RBM25: variants seen among roughly 807,000 people sequenced by gnomAD.
The protein encoded by RBM25 is RNA binding motif protein 25, also known as RNA-binding protein 25.
A neutral mutation model predicts 120.7 loss-of-function variants in RBM25; 19 were observed. That is an observed-to-expected ratio of 0.16 (90% CI 0.11 to 0.23). The LOEUF is 0.23. Ranked by LOEUF, RBM25 falls within the 10% of genes least tolerant of loss-of-function variation. RBM25 has a pLI of 1.00. For missense variants in RBM25, 605 were observed against 1,041.5 expected, an observed-to-expected ratio of 0.58 and a Z score of 5.77; for synonymous variants, 390 against 326.7, an observed-to-expected ratio of 1.19 and a Z score of -2.09.
intron 4 of RBM25, among the ~76,000 whole-genome samples, chr14:73,078,292 G>A (rs1895472804): frequency 1.3e-5 from 2 of 151,604 alleles, no homozygotes; most frequent in South Asian, 2.1e-4. Context: ...GACAGAGCGA[G>A]ACTCCATCTC....
chr14:73,061,305 C>T (rs1487319663), intron 1 of RBM25, among the ~76,000 whole-genome samples: 2 of 151,270 alleles, frequency 1.3e-5, no homozygotes, highest in African/African-American at 2.4e-5. Flanking sequence ...GTGATCCACC[C>T]GCCTTGGCCT....
At chr14:73,068,143 T>C in intron 1 of RBM25, 1 of 815,948 alleles carries the variant, frequency 1.2e-6, no homozygotes, top group South Asian at 1.4e-5. Context: ...TGGTCCTAGA[T>C]GGCTGCTTGG....
intron 15 of RBM25, 185 bp from the exon 16 acceptor site, chr14:73,111,343 A>C: frequency 2.4e-6 from 2 of 847,600 alleles, no homozygotes; most frequent in Non-Finnish European, 3.5e-6. Flanking sequence ...AGCTGCCTCG[A>C]GTTCTGAGAA....
intron 6 of RBM25, among the ~76,000 whole-genome samples, chr14:73,093,262 G>C (rs1324205123): frequency 6.6e-6 from 1 of 152,200 alleles, no homozygotes; most frequent in Admixed American, 6.5e-5. Flanking sequence ...TTTCTCAAAA[G>C]AAAGAACTCT....
intron 1 of RBM25, among the ~76,000 whole-genome samples, chr14:73,063,013 G>A (rs1424912270): frequency 1.3e-5 from 2 of 150,982 alleles, no homozygotes; most frequent in Non-Finnish European, 3.0e-5. Flanking sequence ...GTAGAGATGG[G>A]GTTTCACCAT....
At chr14:73,103,994 A>ACACACTCTCT (rs1339176135) in intron 10 of RBM25, among the ~76,000 whole-genome samples, 2 of 99,394 alleles carry the variant, frequency 2.0e-5, no homozygotes, top group Non-Finnish European at 3.9e-5. Context: ...ACACACACAC[A>ACACACTCTCT]CTCTCTCTCT....
At chr14:73,088,582 G>A (rs1212491188) in intron 6 of RBM25, 1 of 349,472 alleles carries the variant, frequency 2.9e-6, no homozygotes, top group African/African-American at 2.1e-5. Flanking sequence ...GCCTTAGGTT[G>A]GGGGCTTTAT....
chr14:73,074,193 A>G (rs1370561191), intron 2 of RBM25, among the ~76,000 whole-genome samples: 4 of 152,176 alleles, frequency 2.6e-5, no homozygotes, highest in African/African-American at 9.7e-5. Context: ...TTATAGGCTC[A>G]TAATGCAGTT....
At chr14:73,100,212 G>A (rs362420) in intron 9 of RBM25, 7,994 of 606,610 alleles carry the variant, frequency 0.013, 477 homozygotes, top group African/African-American at 0.13. Context: ...TAGGTCAGTG[G>A]TTACCAGACT....
chr14:73,112,319 G>T, intron 17 of RBM25, 69 bp downstream of exon 17: 1 of 1,380,690 alleles, frequency 7.2e-7, no homozygotes, highest in Non-Finnish European at 9.5e-7. Flanking sequence ...CTTCTTAAAA[G>T]AGCAGAAATT....
intron 1 of RBM25, among the ~76,000 whole-genome samples, chr14:73,059,849 T>TA (rs1289975245): frequency 6.6e-6 from 1 of 152,188 alleles, no homozygotes. Flanking sequence ...TGTTCCTCTG[T>TA]AAAATGAATT....
At position 73,087,955 on chromosome 14, in the gene RBM25, T is replaced by C. The variant is rs1466004123; in HGVS notation, c.383-46T>C. 8 of 1,572,344 alleles carry C rather than the reference T, an allele frequency of 5.1e-6. No individual in the cohort carries two copies. The East Asian group carries it at 1.8e-4, about 35-fold the overall frequency. On this transcript the variant is annotated intron_variant, in intron 5 of 18. Coordinates refer to ENST00000261973, the MANE Select transcript of RBM25 (RefSeq NM_021239.3). ...CTACTTTTCCATAATTTTTTTTCTT[T>C]TGTAAGTGAATTGGTATTTCACTAA...
chr14:73,107,690 G>C (rs961930175), intron 12 of RBM25, 136 bp from the exon 13 acceptor site: 2 of 672,226 alleles, frequency 3.0e-6, no homozygotes, highest in African/African-American at 3.7e-5. Context: ...AAAATTATGT[G>C]AAGAGAAATT....
chr14:73,119,676 T>C (rs1896506406), intron 18 of RBM25, 37 bp from the exon 19 acceptor site: 4 of 1,606,964 alleles, frequency 2.5e-6, no homozygotes, highest in Non-Finnish European at 3.4e-6. Context: ...TGATGATTGC[T>C]TCTCTTACAT....
In RBM25 at chr14:73,088,160, G is replaced by A. The variant is rs763029142; in HGVS notation, c.542G>A (p.Gly181Glu). 1.4e-5 allele frequency: 22 copies of A among 1,613,826 alleles called. No individual in the cohort carries two copies. Among genetic ancestry groups the A allele is most frequent in the Non-Finnish European group, 1.9e-5 (22 of 1,179,962 alleles). ...EWKAKKKASN[G>E]NARPETVTND... is the part of the protein sequence containing the mutation. Reference sequence around the variant, plus strand: ...AAAGCAAAGAAGAAAGCTTCTAATGGGGTATGTTTTCTGTCGTGTTATCTT... The same window carrying A: ...AAAGCAAAGAAGAAAGCTTCTAATGAGGTATGTTTTCTGTCGTGTTATCTT... Residue 181 changes from glycine to glutamate, a missense_variant and splice_region_variant, in exon 6 of 19, where the codon GGG becomes GAG. By Grantham distance (98) the Gly-to-Glu change is moderately conservative. This residue lies in a region of RBM25 where 465 missense variants were observed against 741.6 expected (regional missense o/e 0.63). Transcript: ENST00000261973.
At chr14:73,099,517 T>C in intron 8 of RBM25, 84 bp downstream of exon 8, 1 of 1,584,316 alleles carries the variant, frequency 6.3e-7, no homozygotes, top group Non-Finnish European at 8.6e-7. Flanking sequence ...GATTTTTCAC[T>C]ATTTAACTTT....
intron 6 of RBM25, among the ~76,000 whole-genome samples, chr14:73,088,713 A>G (rs1895742922): frequency 1.3e-5 from 2 of 152,190 alleles, no homozygotes; most frequent in Non-Finnish European, 2.9e-5. Flanking sequence ...TATTTCCTTC[A>G]TTTCTCTTCT....
At position 73,123,673 on chromosome 14, in the gene RBM25, TGATA is replaced by T. The variant is rs1368823301; in HGVS notation, c.*3872_*3875del. On this transcript the variant is annotated 3_prime_UTR_variant, in exon 19 of 19. Coordinates refer to ENST00000261973, the MANE Select transcript of RBM25 (RefSeq NM_021239.3). ...AGTGAACTTACACTTTTTGATAAAC[TGATA>T]GATTTTTTGTAATGTGATTATGGTA... The T allele has an allele frequency of 3.3e-5, 5 of 152,210 alleles. No homozygotes were observed. Among genetic ancestry groups the T allele is most frequent in the Non-Finnish European group, 5.9e-5 (4 of 68,030 alleles). 9.4% of individuals were successfully genotyped at this position (152,210 alleles called of 1,614,324 possible). A position where few individuals can be genotyped will look rare whatever the true frequency, so the allele number is the denominator to read the frequency against.
chr14:73,111,846 G>T (rs763357853), intron 16 of RBM25, 44 bp downstream of exon 16: 2 of 1,517,904 alleles, frequency 1.3e-6, no homozygotes, highest in Non-Finnish European at 1.8e-6. Flanking sequence ...GGAACAGTTG[G>T]AATATGCCAT....
Sources: gnomAD v4.1 joint callset for allele counts (sites outside exome capture counted in the v4.1 genomes callset) on GRCh38, gnomAD v4.1.1 for gene constraint, gnomAD v4.1.1 regional missense constraint, MANE v1.5 for transcripts, NCBI Gene and HGNC (gene_info 2026-07-23, HGNC 2026-07-21) for gene names.